ZNF664: variants seen among roughly 807,000 people sequenced by gnomAD.
The protein encoded by ZNF664 is zinc finger protein 664, also known as zinc finger Organ of Corti 1.
ZNF664 carries 10 observed loss-of-function variants against 18.2 expected under a neutral mutation model. That is an observed-to-expected ratio of 0.55 (90% CI 0.34 to 0.93). The LOEUF (loss-of-function observed/expected upper bound fraction) is 0.93, where lower values mean the gene tolerates loss of function less well. Among genes scored for constraint, ZNF664 ranks in the 40% least tolerant of loss-of-function variants. The probability of loss-of-function intolerance (pLI) is 0.02; values close to 1 mark genes in which losing one functional copy is unlikely to be tolerated. For missense variants in ZNF664, 193 were observed against 319.0 expected (o/e 0.61, Z 3.01); for synonymous variants, 119 against 104.2 (o/e 1.14, Z -0.86).
At chr12:124,000,046 C>T (rs752159005) in intron 3 of ZNF664, among the ~76,000 whole-genome samples, 6 of 152,168 alleles carry the variant, frequency 3.9e-5, no homozygotes, top group Non-Finnish European at 8.8e-5. Context: ...AAGGAAGGCC[C>T]GTTTGTCCTT....
intron 3 of ZNF664, chr12:123,998,439 C>G (rs2138404891): frequency 6.6e-6 from 1 of 152,500 alleles, no homozygotes; most frequent in East Asian, 1.9e-4. Context: ...ATAAGAGTTT[C>G]TGTGGCTGAG....
At chr12:123,974,486 T>G (rs919690852) in intron 2 of ZNF664, 1 of 153,338 alleles carries the variant, frequency 6.5e-6, no homozygotes, top group Non-Finnish European at 1.5e-5. Flanking sequence ...GACGCATAGT[T>G]TTTTAGAGCA....
At chr12:124,009,976 A>G (rs1233551873) in intron 3 of ZNF664, among the ~76,000 whole-genome samples, 1 of 149,462 alleles carries the variant, frequency 6.7e-6, no homozygotes, top group Non-Finnish European at 1.5e-5. Context: ...TCTTGTGAGG[A>G]GGTGCCATAC....
chr12:124,003,352 A>G (rs1387804768), intron 3 of ZNF664: 3 of 151,086 alleles, frequency 2.0e-5, no homozygotes, highest in Non-Finnish European at 4.4e-5. Flanking sequence ...CAGGTGGCCT[A>G]GTGGATTTGC....
At chr12:124,002,452 G>A (rs2138425502) in intron 3 of ZNF664, among the ~76,000 whole-genome samples, 1 of 152,316 alleles carries the variant, frequency 6.6e-6, no homozygotes, top group South Asian at 2.1e-4. Flanking sequence ...GTGACTACTG[G>A]TAGAGGTCCA....
intron 2 of ZNF664, 31 bp downstream of exon 2, chr12:123,974,051 C>G (rs1268481119): frequency 7.9e-6 from 8 of 1,008,996 alleles, no homozygotes; most frequent in Non-Finnish European, 1.0e-5. Context: ...GTCCACTTCC[C>G]TCTGACTCCC....
rs1957170089 is a variant in ZNF664, at chr12:124,014,518, C to G, written c.*1588C>G. 6.0e-6 allele frequency: 1 copy of G among 167,100 alleles called. No individual in the cohort carries two copies. Among genetic ancestry groups the G allele is most frequent in the Non-Finnish European group, 1.5e-5 (1 of 68,122 alleles). The allele number at this position is 167,100 out of a possible 1,614,324, so 10.4% of individuals were successfully genotyped here. A position where few individuals can be genotyped will look rare whatever the true frequency, so the allele number is the denominator to read the frequency against. ...AGGAACAAAAGCAACCAATTTTTAACTTTCTCTTCTCATTCCTGTTTTCAT... is the reference window on the plus strand; with the variant it reads ...AGGAACAAAAGCAACCAATTTTTAAGTTTCTCTTCTCATTCCTGTTTTCAT... On this transcript the variant is annotated 3_prime_UTR_variant, in exon 5 of 5. Transcript: ENST00000337815.
chr12:123,982,862 A>C (rs1016006326), intron 2 of ZNF664, among the ~76,000 whole-genome samples: 13 of 140,410 alleles, frequency 9.3e-5, no homozygotes, highest in Non-Finnish European at 1.5e-4. Context: ...GCCCAGGTTG[A>C]AAGTTGTGTC....
chr12:123,999,645 C>T (rs1298110320), intron 3 of ZNF664, among the ~76,000 whole-genome samples: 2 of 152,190 alleles, frequency 1.3e-5, no homozygotes, highest in Non-Finnish European at 2.9e-5. Flanking sequence ...AAAAGAAAAG[C>T]TCAGTCCAGA....
chr12:124,008,750 G>A (rs559193711), intron 3 of ZNF664, among the ~76,000 whole-genome samples: 54 of 152,168 alleles, frequency 3.5e-4, no homozygotes, highest in Non-Finnish European at 5.4e-4. Context: ...TATTGAATGC[G>A]TCTCACTCAA....
intron 2 of ZNF664, among the ~76,000 whole-genome samples, chr12:123,976,110 G>C (rs900568839): frequency 6.6e-6 from 1 of 152,000 alleles, no homozygotes; most frequent in Admixed American, 6.6e-5. Context: ...AACTTATTTT[G>C]TTCTCTTGAA....
chr12:123,974,802 A>G (rs2138302568), intron 2 of ZNF664, among the ~76,000 whole-genome samples: 1 of 152,324 alleles, frequency 6.6e-6, no homozygotes, highest in Admixed American at 6.5e-5. Context: ...CAACTGCTGC[A>G]CCATGTTCCA....
In ZNF664 at chr12:124,015,395, A is replaced by G. The variant is rs1185452887; in HGVS notation, c.*2465A>G. 1 of 165,796 alleles carries G rather than the reference A, an allele frequency of 6.0e-6. No individual in the cohort carries two copies. The highest frequency in any genetic ancestry group is 1.5e-5 in the Non-Finnish European group (1 of 68,120). The allele number at this position is 165,796 out of a possible 1,614,324, so 10.3% of individuals were successfully genotyped here. A position where few individuals can be genotyped will look rare whatever the true frequency, so the allele number is the denominator to read the frequency against. ...ATATTATTTGACCTACAGTATGTCCAAATCAATTTAATAAAATCGCTTTAT... is the reference window on the plus strand; with the variant it reads ...ATATTATTTGACCTACAGTATGTCCGAATCAATTTAATAAAATCGCTTTAT... On this transcript the variant is annotated 3_prime_UTR_variant, in exon 5 of 5. Coordinates refer to ENST00000337815, the MANE Select transcript of ZNF664 (RefSeq NM_152437.3).
rs545863800 is a variant in ZNF664 at position 124,009,261 on chromosome 12, A to G, written c.-660-2120A>G. 1.6e-3 allele frequency among the ~76,000 whole-genome samples: 244 copies of G among 152,320 alleles called. 3 individuals carry two copies. Among genetic ancestry groups the G allele is most frequent in the African/African-American group, 5.7e-3 (235 of 41,572 alleles). On this transcript the variant is annotated intron_variant, in intron 3 of 4. Transcript: ENST00000337815. ...AAAGAATATGTTCTAGGTATGTGCA[A>G]TCAGTATACTATGCTCAAAAGCCAT...
chr12:123,981,359 C>CA, intron 2 of ZNF664, among the ~76,000 whole-genome samples: 1 of 152,212 alleles, frequency 6.6e-6, no homozygotes, highest in African/African-American at 2.4e-5. Context: ...TGGGGCCTTT[C>CA]AGAGGTTTGG....
intron 3 of ZNF664, among the ~76,000 whole-genome samples, chr12:123,993,334 G>C (rs1334365977): frequency 6.6e-6 from 1 of 152,208 alleles, no homozygotes; most frequent in East Asian, 1.9e-4. Context: ...TGGGCAGCCA[G>C]AATCTTCAAT....
chr12:123,985,540 A>G (rs930824195), intron 2 of ZNF664, among the ~76,000 whole-genome samples: 4 of 152,274 alleles, frequency 2.6e-5, no homozygotes, highest in African/African-American at 9.6e-5. Context: ...AGTATGGCTA[A>G]TAGAAGTTAT....
At position 124,013,601 on chromosome 12, in the gene ZNF664, G is replaced by A. The variant is rs1437118321; in HGVS notation, c.*671G>A. The A allele has an allele frequency of 6.0e-6, 1 of 167,408 alleles. No individual in the cohort carries two copies. The highest frequency in any genetic ancestry group is 1.9e-4 in the East Asian group (1 of 5,208). The allele number at this position is 167,408 out of a possible 1,614,324, so 10.4% of individuals were successfully genotyped here. A position where few individuals can be genotyped will look rare whatever the true frequency, so the allele number is the denominator to read the frequency against. Reference sequence around the variant, plus strand: ...ATATGTCCTTGAACCTTTTTTATTTGTGTGGATTCTGCTCATCACTGTCTC... The same window carrying A: ...ATATGTCCTTGAACCTTTTTTATTTATGTGGATTCTGCTCATCACTGTCTC... On this transcript the variant is annotated 3_prime_UTR_variant, in exon 5 of 5. Coordinates refer to ENST00000337815, the MANE Select transcript of ZNF664 (RefSeq NM_152437.3).
At chr12:124,003,931 C>T (rs962235459) in intron 3 of ZNF664, among the ~76,000 whole-genome samples, 6 of 152,096 alleles carry the variant, frequency 3.9e-5, no homozygotes, top group African/African-American at 1.2e-4. Context: ...CACTTGGGTG[C>T]GTGTATGGAT....
Sources: gnomAD v4.1 joint callset for allele counts (sites outside exome capture counted in the v4.1 genomes callset) on GRCh38, gnomAD v4.1.1 for gene constraint, MANE v1.5 for transcripts, NCBI Gene and HGNC (gene_info 2026-07-23, HGNC 2026-07-21) for gene names.